Variants in FARS2 observed in about 807,000 individuals in gnomAD.
FARS2 encodes the protein phenylalanyl-tRNA synthetase 2, mitochondrial.
Under a neutral mutation model 46.4 loss-of-function variants are expected in FARS2, and 40 were observed. The observed-to-expected ratio is 0.86, with a 90% CI of 0.67 to 1.12. The LOEUF (loss-of-function observed/expected upper bound fraction) is 1.12. Ranked by LOEUF, FARS2 falls within the 50% of genes most tolerant of loss-of-function variation. The pLI is 0.00. For missense variants in FARS2, 513 were observed against 567.9 expected (o/e 0.90, Z 0.98); for synonymous variants, 234 against 214.9 (o/e 1.09, Z -0.78).
chr6:5,683,797 T>G (rs191296742), intron 6 of FARS2, among the ~76,000 whole-genome samples: 1 of 152,150 alleles, frequency 6.6e-6, no homozygotes, highest in East Asian at 1.9e-4. Context: ...CAGGCCCCGG[T>G]ATGTGATGTT....
intron 1 of FARS2, among the ~76,000 whole-genome samples, chr6:5,273,778 A>G (rs1301598223): frequency 1.3e-5 from 2 of 152,112 alleles, no homozygotes; most frequent in Non-Finnish European, 2.9e-5. Flanking sequence ...TCCCCAATGT[A>G]TTCTTGTAGT....
At chr6:5,752,024 G>T (rs1267887897) in intron 6 of FARS2, among the ~76,000 whole-genome samples, 1 of 152,122 alleles carries the variant, frequency 6.6e-6, no homozygotes, top group East Asian at 1.9e-4. Flanking sequence ...TTAGTGAGGA[G>T]CCAGGCTCAC....
intron 3 of FARS2, among the ~76,000 whole-genome samples, chr6:5,424,440 T>A (rs1177033363): frequency 6.6e-6 from 1 of 152,164 alleles, no homozygotes; most frequent in East Asian, 1.9e-4. Context: ...TGCAGGAATC[T>A]TTGGTAGGAG....
intron 1 of FARS2, among the ~76,000 whole-genome samples, chr6:5,333,233 G>A (rs116060724): frequency 0.012 from 1,883 of 152,310 alleles, 46 homozygotes; most frequent in African/African-American, 0.043. Flanking sequence ...TGGACAGGGA[G>A]GAGAAAGAGA....
rs116250681 is a variant in FARS2, at chr6:5,719,894, C to T, written c.1218-51397C>T. 5.4e-3 allele frequency among the ~76,000 whole-genome samples: 824 copies of T among 152,270 alleles called. 9 individuals are homozygous for T. The highest frequency in any genetic ancestry group is 0.019 in the African/African-American group (780 of 41,564). On this transcript the variant is annotated intron_variant, in intron 6 of 6. Coordinates refer to ENST00000274680, the MANE Select transcript of FARS2 (RefSeq NM_006567.5). Reference sequence around the variant, plus strand: ...TTGAGACAGCTTGCAATGTGGCTTCCGTTTAGTGTGACACAAACCTGTTGT... The same window carrying T: ...TTGAGACAGCTTGCAATGTGGCTTCTGTTTAGTGTGACACAAACCTGTTGT...
chr6:5,612,573 C>G (rs1582583977), intron 5 of FARS2, among the ~76,000 whole-genome samples: 1 of 151,996 alleles, frequency 6.6e-6, no homozygotes, highest in Admixed American at 6.5e-5. Context: ...TAATGGTGAA[C>G]TACTGAGCTA....
intron 3 of FARS2, 75 bp downstream of exon 3, chr6:5,404,776 T>A: frequency 9.8e-7 from 1 of 1,024,278 alleles, no homozygotes; most frequent in Non-Finnish European, 1.3e-6. Flanking sequence ...TTTGGGTTTT[T>A]TTTTTTTTTT....
chr6:5,769,262 T>C (rs1406497164), intron 6 of FARS2, among the ~76,000 whole-genome samples: 2 of 152,256 alleles, frequency 1.3e-5, no homozygotes, highest in Non-Finnish European at 2.9e-5. Flanking sequence ...CTTGGTGCTC[T>C]TGTCAAAAAC....
At chr6:5,406,352 A>G (rs1279743111) in intron 3 of FARS2, among the ~76,000 whole-genome samples, 2 of 152,218 alleles carry the variant, frequency 1.3e-5, no homozygotes, top group East Asian at 3.9e-4. Context: ...AGTTCATGCC[A>G]TGAAGCTACC....
At chr6:5,428,382 G>A (rs1218486575) in intron 3 of FARS2, among the ~76,000 whole-genome samples, 2 of 151,986 alleles carry the variant, frequency 1.3e-5, no homozygotes, top group Non-Finnish European at 2.9e-5. Flanking sequence ...CAAGCATTTA[G>A]GTAATGTTTA....
At chr6:5,720,503 G>T (rs377146143) in intron 6 of FARS2, among the ~76,000 whole-genome samples, 2 of 152,164 alleles carry the variant, frequency 1.3e-5, no homozygotes, top group Non-Finnish European at 2.9e-5. Context: ...TAAAGAGAAT[G>T]TGTCTTTACA....
intron 1 of FARS2, among the ~76,000 whole-genome samples, chr6:5,279,269 C>T (rs962803945): frequency 1.3e-5 from 2 of 149,572 alleles, no homozygotes; most frequent in East Asian, 2.0e-4. Context: ...CTCAGCTACT[C>T]GGGAGGCTGA....
chr6:5,289,352 T>C, intron 1 of FARS2, among the ~76,000 whole-genome samples: 1 of 152,278 alleles, frequency 6.6e-6, no homozygotes, highest in African/African-American at 2.4e-5. Flanking sequence ...AACAAAGAAT[T>C]AGACAAAACG....
chr6:5,302,555 A>G (rs1262210695), intron 1 of FARS2, among the ~76,000 whole-genome samples: 2 of 152,136 alleles, frequency 1.3e-5, no homozygotes, highest in African/African-American at 4.8e-5. Flanking sequence ...TCCTCTCCTC[A>G]ATCTTAGGAG....
Position 5,481,781 on chromosome 6 carries a change from G to A in FARS2, c.904+50609G>A, listed in dbSNP as rs186162426. On this transcript the variant is annotated intron_variant, in intron 4 of 6. Transcript: ENST00000274680. ...CATGCATTCTGACAGGGATACTTAG[G>A]CGGATTGGAATGGCAGGCTGTTAAA... 2.1e-5 allele frequency among the ~76,000 whole-genome samples: 3 copies of A among 144,900 alleles called. No individual in the cohort carries two copies. In the East Asian group the frequency reaches 6.1e-4, roughly 30 times the overall value.
At chr6:5,653,741 G>T (rs777528008) in intron 6 of FARS2, among the ~76,000 whole-genome samples, 21 of 152,306 alleles carry the variant, frequency 1.4e-4, no homozygotes, top group Non-Finnish European at 2.9e-4. Context: ...TTCAACAATT[G>T]TGAGTGCCTG....
intron 1 of FARS2, among the ~76,000 whole-genome samples, chr6:5,267,615 G>A (rs1199232594): frequency 6.6e-6 from 1 of 152,012 alleles, no homozygotes; most frequent in Non-Finnish European, 1.5e-5. Flanking sequence ...TTAGCCGGAT[G>A]TGGTGGTGGG....
At chr6:5,470,906 G>T (rs183845385) in intron 4 of FARS2, among the ~76,000 whole-genome samples, 6 of 152,152 alleles carry the variant, frequency 3.9e-5, no homozygotes, top group African/African-American at 1.2e-4. Flanking sequence ...CTGAATTTTC[G>T]CAGACCTTTC....
At chr6:5,377,103 A>G (rs1346655600) in intron 2 of FARS2, among the ~76,000 whole-genome samples, 2 of 152,260 alleles carry the variant, frequency 1.3e-5, no homozygotes, top group Non-Finnish European at 2.9e-5. Flanking sequence ...TTTAGTTTGC[A>G]AAGAATGGTG....
Sources: allele counts gnomAD v4.1 joint callset (sites outside exome capture counted in the v4.1 genomes callset), GRCh38; gene constraint gnomAD v4.1.1; transcripts MANE v1.5; gene names NCBI Gene and HGNC (gene_info 2026-07-23, HGNC 2026-07-21).